Variants in MED13L observed in about 807,000 individuals in gnomAD.
MED13L encodes the protein mediator of RNA polymerase II transcription subunit 13-like.
In MED13L, 7 loss-of-function variants were observed where a neutral mutation model predicts 220.9. The ratio of observed to expected loss-of-function variants is 0.03; its 90% CI spans 0.02 to 0.06. The LOEUF is 0.06. Ranked by LOEUF, MED13L falls within the 10% of genes least tolerant of loss-of-function variation. MED13L has a pLI of 1.00. For synonymous variants in MED13L, 1,011 were observed against 1,015.2 expected (o/e 1.00, Z 0.08); for missense variants, 1,965 against 2,760.5 (o/e 0.71, Z 6.46).
At chr12:116,247,722 CT>C (rs1871210471) in intron 1 of MED13L, among the ~76,000 whole-genome samples, 1 of 152,132 alleles carries the variant, frequency 6.6e-6, no homozygotes, top group African/African-American at 2.4e-5. Flanking sequence ...TGCATATGTG[CT>C]GATTCATAAA....
At position 116,105,836 on chromosome 12, in the gene MED13L, G is replaced by A. The variant is rs183013689; in HGVS notation, c.395+5592C>T. Among the ~76,000 whole-genome samples, 28 of 152,274 alleles carry A rather than the reference G, an allele frequency of 1.8e-4. No individual in the cohort carries two copies. The East Asian group carries it at 2.5e-3, about 14-fold the overall frequency. On this transcript the variant is annotated intron_variant, in intron 3 of 30. Coordinates refer to ENST00000281928, the MANE Select transcript of MED13L (RefSeq NM_015335.5). ...GATATCAAGCTTGGCCATGTACCTT[G>A]GGTATCTTCCTACTGAAAGATGATA...
intron 25 of MED13L, among the ~76,000 whole-genome samples, chr12:115,974,911 A>C (rs781765139): frequency 6.6e-6 from 1 of 152,138 alleles, no homozygotes; most frequent in Non-Finnish European, 1.5e-5. Context: ...CGAAATGTGA[A>C]TTTACTATCA....
In MED13L at chr12:116,000,384, C is replaced by T. The variant is rs530806185; in HGVS notation, c.2569+2619G>A. Among the ~76,000 whole-genome samples, 8 of 152,352 alleles carry T rather than the reference C, an allele frequency of 5.3e-5. 3 individuals carry two copies. The highest frequency in any genetic ancestry group is 1.9e-4 in the African/African-American group (8 of 41,584). ...GGTGAGCTGTGCTGCCCACAGCGCT[C>T]TGCTTACTCCCATCCTGCCTATCTC... On this transcript the variant is annotated intron_variant, in intron 14 of 30. Transcript: ENST00000281928.
chr12:116,069,157 A>G (rs1200692121), intron 4 of MED13L, among the ~76,000 whole-genome samples: 1 of 152,226 alleles, frequency 6.6e-6, no homozygotes, highest in Non-Finnish European at 1.5e-5. Flanking sequence ...TAATGCCAAA[A>G]GAATCCTGAG....
At chr12:115,985,958 A>T (rs1005434700) in intron 19 of MED13L, among the ~76,000 whole-genome samples, 2 of 152,214 alleles carry the variant, frequency 1.3e-5, no homozygotes, top group African/African-American at 4.8e-5. Context: ...ACATAGCCAC[A>T]CTTTCCCCTG....
At chr12:116,096,812 G>T in intron 3 of MED13L, 60 bp from the exon 4 acceptor site, 1 of 1,192,118 alleles carries the variant, frequency 8.4e-7, no homozygotes, top group South Asian at 1.2e-5. Flanking sequence ...GTAAGTCGCT[G>T]AAGCAATACA....
intron 2 of MED13L, among the ~76,000 whole-genome samples, chr12:116,136,465 GGA>G (rs142607969): frequency 2.6e-5 from 4 of 152,098 alleles, no homozygotes; most frequent in East Asian, 1.9e-4. Context: ...TGAGAGAGAG[GGA>G]GAGAGAGAGA....
chr12:116,128,445 G>GA (rs34961794), intron 2 of MED13L, among the ~76,000 whole-genome samples: 23,353 of 143,940 alleles, frequency 0.16, 1,919 homozygotes, highest in South Asian at 0.22. Context: ...TATTCTTGAG[G>GA]AAAAAAAAAA....
At chr12:116,059,399 G>A (rs1869251026) in intron 4 of MED13L, among the ~76,000 whole-genome samples, 1 of 150,394 alleles carries the variant, frequency 6.6e-6, no homozygotes, top group Non-Finnish European at 1.5e-5. Context: ...TAACCCTCCA[G>A]TAAAAAATTA....
At chr12:116,043,750 G>A (rs181024307) in intron 4 of MED13L, among the ~76,000 whole-genome samples, 19 of 152,214 alleles carry the variant, frequency 1.2e-4, no homozygotes, top group Admixed American at 5.2e-4. Flanking sequence ...ATACCCCTAC[G>A]CACTGGCAGA....
intron 2 of MED13L, among the ~76,000 whole-genome samples, chr12:116,176,272 T>C (rs1017059184): frequency 3.3e-5 from 5 of 152,190 alleles, no homozygotes; most frequent in Non-Finnish European, 5.9e-5. Flanking sequence ...TTTATACTGT[T>C]GTTGAATTAA....
intron 4 of MED13L, among the ~76,000 whole-genome samples, chr12:116,081,333 G>C (rs887378064): frequency 6.6e-6 from 1 of 152,054 alleles, no homozygotes; most frequent in Non-Finnish European, 1.5e-5. Flanking sequence ...TGCTAATTTT[G>C]TCTTTTTGTA....
intron 2 of MED13L, among the ~76,000 whole-genome samples, chr12:116,125,083 GA>G (rs1023330767): frequency 6.6e-6 from 1 of 152,140 alleles, no homozygotes; most frequent in Non-Finnish European, 1.5e-5. Flanking sequence ...TTGCACATGT[GA>G]AAATTTGTTA....
At chr12:116,257,301 A>G (rs1872142818) in intron 1 of MED13L, among the ~76,000 whole-genome samples, 1 of 152,210 alleles carries the variant, frequency 6.6e-6, no homozygotes, top group African/African-American at 2.4e-5. Flanking sequence ...CTTCCCCCAT[A>G]GTAACATACA....
chr12:116,164,110 G>C (rs1294307053), intron 2 of MED13L, among the ~76,000 whole-genome samples: 1 of 152,124 alleles, frequency 6.6e-6, no homozygotes, highest in Non-Finnish European at 1.5e-5. Flanking sequence ...AAGTTCACGA[G>C]CTATGACTGG....
intron 1 of MED13L, among the ~76,000 whole-genome samples, chr12:116,247,866 C>G (rs1193178240): frequency 2.0e-5 from 3 of 152,156 alleles, no homozygotes; most frequent in African/African-American, 7.2e-5. Context: ...AATAAGTTTA[C>G]TACAATTAAA....
At chr12:116,185,652 G>GCTTTTCTTTTCTTTTCTTTTCTTTT (rs11274833) in intron 2 of MED13L, among the ~76,000 whole-genome samples, 1 of 139,916 alleles carries the variant, frequency 7.1e-6, no homozygotes, top group African/African-American at 2.7e-5. Flanking sequence ...TTCATCACAT[G>GCTTTTCTTTTCTTTTCTTTTCTTTT]CTTTTCTTTT....
At chr12:116,180,040 T>C (rs1880402135) in intron 2 of MED13L, among the ~76,000 whole-genome samples, 2 of 152,220 alleles carry the variant, frequency 1.3e-5, no homozygotes, top group South Asian at 4.1e-4. Flanking sequence ...ACTTACTTTG[T>C]GGTGTTTCGC....
chr12:116,078,065 A>T (rs1336003174), intron 4 of MED13L, among the ~76,000 whole-genome samples: 1 of 147,926 alleles, frequency 6.8e-6, no homozygotes, highest in Admixed American at 6.9e-5. Flanking sequence ...AATTGCTTGA[A>T]CCCGGGAGTC....
Sources: allele counts gnomAD v4.1 joint callset (sites outside exome capture counted in the v4.1 genomes callset), GRCh38; gene constraint gnomAD v4.1.1; transcripts MANE v1.5; gene names NCBI Gene and HGNC (gene_info 2026-07-23, HGNC 2026-07-21).